WNT7B: variants seen among roughly 807,000 people sequenced by gnomAD.
WNT7B encodes the protein Wnt family member 7B.
WNT7B carries 19 observed loss-of-function variants against 38.2 expected under a neutral mutation model. That is an observed-to-expected ratio of 0.50 (90% confidence interval 0.35 to 0.73). WNT7B has a LOEUF of 0.73. Among genes scored for constraint, WNT7B ranks in the 30% least tolerant of loss-of-function variants. The pLI is 0.01. For missense variants in WNT7B, 423 were observed against 507.9 expected (o/e 0.83, Z 1.61); for synonymous variants, 243 against 209.3 (o/e 1.16, Z -1.39).
chr22:45,932,869 G>A (rs907438515), intron 2 of WNT7B, among the ~76,000 whole-genome samples: 5 of 150,752 alleles, frequency 3.3e-5, no homozygotes, highest in South Asian at 2.1e-4. Context: ...CCCAGCACCC[G>A]CGAGCACCTG....
At chr22:45,964,420 GC>G (rs966625660) in intron 1 of WNT7B, among the ~76,000 whole-genome samples, 8 of 151,912 alleles carry the variant, frequency 5.3e-5, no homozygotes, top group South Asian at 4.2e-4. Context: ...CTGCAGGCCA[GC>G]CCCCCCCAGG....
rs1932539148 is a variant in WNT7B, at chr22:45,975,869, G to A, written c.71+815C>T. The A allele has an allele frequency of 4.1e-6, 1 of 242,556 alleles. No individual in the cohort carries two copies. Among genetic ancestry groups the A allele is most frequent in the South Asian group, 1.7e-4 (1 of 5,750 alleles). 15.0% of individuals were successfully genotyped at this position (242,556 alleles called of 1,614,324 possible). On this transcript the variant is annotated intron_variant, in intron 1 of 3. Transcript: ENST00000339464. This position sits in a 1 kb window ranked among gnomAD's most constrained non-coding sequence, Gnocchi z 6.6. ...CACGCCGTTTCTCCACCCCCACTTC[G>A]AGCGAAGCCGAGACAGATTCTGTCT...
rs1234705903 is a variant in WNT7B, at chr22:45,922,210, C to T, written c.*646G>A. The T allele has an allele frequency of 6.5e-6, 1 of 152,938 alleles. No individual in the cohort carries two copies. Among genetic ancestry groups the T allele is most frequent in the African/African-American group, 2.4e-5 (1 of 41,486 alleles). 9.5% of individuals were successfully genotyped at this position (152,938 alleles called of 1,614,324 possible). On this transcript the variant is annotated 3_prime_UTR_variant, in exon 4 of 4. Coordinates refer to ENST00000339464, the MANE Select transcript of WNT7B (RefSeq NM_058238.3). Reference sequence around the variant, plus strand: ...GGCACCGCGTGGTCCCCATCAACCCCAGGCTGCCTCAGCTCTGCAGGGGCA... The same window carrying T: ...GGCACCGCGTGGTCCCCATCAACCCTAGGCTGCCTCAGCTCTGCAGGGGCA...
chr22:45,920,934 G>T lies in WNT7B; in HGVS notation c.*1922C>A, dbSNP rs372229104. The T allele has an allele frequency of 1.3e-5, 2 of 152,310 alleles. No homozygotes were observed. Among genetic ancestry groups the T allele is most frequent in the South Asian group, 4.1e-4 (2 of 4,834 alleles). The allele number at this position is 152,310 out of a possible 1,614,324, so 9.4% of individuals were successfully genotyped here. The stretch of plus-strand genomic sequence containing the variant: ...TGGGACTTGGGGAAGGTAAGGGGAT[G>T]GGGCCAGGCTGAGGGTGGGGCATTC... On this transcript the variant is annotated 3_prime_UTR_variant, in exon 4 of 4. Coordinates refer to ENST00000339464, the MANE Select transcript of WNT7B (RefSeq NM_058238.3).
At chr22:45,967,237 T>C (rs1601742013) in intron 1 of WNT7B, among the ~76,000 whole-genome samples, 1 of 152,286 alleles carries the variant, frequency 6.6e-6, no homozygotes, top group South Asian at 2.1e-4. Context: ...TTCATCAGGC[T>C]GAAGGAGCCC....
chr22:45,955,621 G>A (rs1038343275), intron 1 of WNT7B, among the ~76,000 whole-genome samples: 3 of 152,184 alleles, frequency 2.0e-5, no homozygotes, highest in East Asian at 1.9e-4. Context: ...TGTTTCAGTC[G>A]CTGACCTTTT....
In WNT7B at chr22:45,975,774, G is replaced by A. The variant is rs917550338; in HGVS notation, c.71+910C>T. The stretch of plus-strand genomic sequence containing the variant: ...CGCGGCGGGGCCCGGGTCCCCGCAG[G>A]TGCGAGGAGCGCGGGGCCAGCAGCG... On this transcript the variant is annotated intron_variant, in intron 1 of 3. Coordinates refer to ENST00000339464, the MANE Select transcript of WNT7B (RefSeq NM_058238.3). This position sits in a 1 kb window ranked among gnomAD's most constrained non-coding sequence, Gnocchi z 6.6. 2 of 350,984 alleles carry A rather than the reference G, an allele frequency of 5.7e-6. No homozygotes were observed. Among genetic ancestry groups the A allele is most frequent in the Non-Finnish European group, 1.0e-5 (2 of 196,598 alleles). The allele number at this position is 350,984 out of a possible 1,614,324, so 21.7% of individuals were successfully genotyped here.
rs986512380 is a variant in WNT7B, at chr22:45,948,258, G to A, written c.298+1662C>T. Among the ~76,000 whole-genome samples the A allele has an allele frequency of 6.6e-5, 10 of 152,328 alleles. 1 individual carries two copies. The East Asian group carries it at 7.7e-4, about 12-fold the overall frequency. On this transcript the variant is annotated intron_variant, in intron 2 of 3. Coordinates refer to ENST00000339464, the MANE Select transcript of WNT7B (RefSeq NM_058238.3). ...CCTGGCATGAGTGAGCACTCGTGCC[G>A]ACGCCCTCCCCACTGGGGTGGATGG... is the stretch of plus-strand genomic sequence containing the variant.
chr22:45,932,418 C>A (rs917260171), intron 2 of WNT7B, among the ~76,000 whole-genome samples: 11 of 149,870 alleles, frequency 7.3e-5, no homozygotes, highest in Non-Finnish European at 1.2e-4. Flanking sequence ...CTTCCCAGAC[C>A]CCCCCCGCCA....
rs1023418841 is a variant in WNT7B at position 45,951,015 on chromosome 22, C to T, written c.72-869G>A. On this transcript the variant is annotated intron_variant, in intron 1 of 3. Coordinates refer to ENST00000339464, the MANE Select transcript of WNT7B (RefSeq NM_058238.3). The surrounding 1 kb of genome is among the most constrained non-coding windows in gnomAD (Gnocchi z 4.8). The stretch of plus-strand genomic sequence containing the variant: ...CAGGACCTGAAGCCCTAGACAAGAA[C>T]CCGCAGGTCACGCTCACTCTACTTC... 6.6e-6 allele frequency among the ~76,000 whole-genome samples: 1 copy of T among 152,184 alleles called. No individual in the cohort carries two copies. Among genetic ancestry groups the T allele is most frequent in the African/African-American group, 2.4e-5 (1 of 41,436 alleles).
chr22:45,949,838 C>T, intron 2 of WNT7B, 82 bp downstream of exon 2: 5 of 1,384,820 alleles, frequency 3.6e-6, no homozygotes, highest in Non-Finnish European at 5.0e-6. Context: ...GAACAGCGGC[C>T]TAGGCTGGCC....
chr22:45,947,836 TG>T (rs764959457), intron 2 of WNT7B, among the ~76,000 whole-genome samples: 1 of 152,228 alleles, frequency 6.6e-6, no homozygotes, highest in Non-Finnish European at 1.5e-5. Context: ...GTGTCTTAGG[TG>T]GGCTCCCTAG....
At chr22:45,955,235 C>A (rs144053548) in intron 1 of WNT7B, among the ~76,000 whole-genome samples, 1 of 152,240 alleles carries the variant, frequency 6.6e-6, no homozygotes, top group Non-Finnish European at 1.5e-5. Flanking sequence ...CCCTGCCACA[C>A]CCCAGGCCTG....
intron 2 of WNT7B, 140 bp downstream of exon 2, chr22:45,949,780 A>C (rs996209249): frequency 1.9e-5 from 15 of 801,686 alleles, no homozygotes; most frequent in Non-Finnish European, 2.9e-5. Context: ...GGCACGCAGA[A>C]GGGCTCACAG....
intron 1 of WNT7B, among the ~76,000 whole-genome samples, chr22:45,955,879 G>A (rs1932047116): frequency 6.6e-6 from 1 of 152,222 alleles, no homozygotes; most frequent in Non-Finnish European, 1.5e-5. Flanking sequence ...CAGAGGCCCA[G>A]GAGCTTCCTG....
At chr22:45,946,717 C>A (rs575207581) in intron 2 of WNT7B, among the ~76,000 whole-genome samples, 1 of 152,292 alleles carries the variant, frequency 6.6e-6, no homozygotes, top group East Asian at 1.9e-4. Flanking sequence ...CAGGGCAAAG[C>A]CAGCACAGGG....
At chr22:45,943,039 GTGTGCAGCA>G (rs567494085) in intron 2 of WNT7B, among the ~76,000 whole-genome samples, 1,819 of 140,908 alleles carry the variant, frequency 0.013, 15 homozygotes, top group Middle Eastern at 0.027. Flanking sequence ...GTGTGCGCGT[GTGTGCAGCA>G]TGCATGTGTG....
At chr22:45,933,480 G>T (rs977665681) in intron 2 of WNT7B, among the ~76,000 whole-genome samples, 13 of 152,258 alleles carry the variant, frequency 8.5e-5, no homozygotes, top group African/African-American at 3.1e-4. Flanking sequence ...GGTGTGAAGT[G>T]GGGTATTAAA....
intron 3 of WNT7B, among the ~76,000 whole-genome samples, chr22:45,923,957 G>A (rs1019994469): frequency 6.6e-6 from 1 of 152,200 alleles, no homozygotes; most frequent in Admixed American, 6.5e-5. Flanking sequence ...CCCGCCCGCT[G>A]TTCTTTCTCC....
Sources: allele counts gnomAD v4.1 joint callset (sites outside exome capture counted in the v4.1 genomes callset), GRCh38; gene constraint gnomAD v4.1.1; non-coding constraint Gnocchi (gnomAD v3.1); transcripts MANE v1.5; gene names NCBI Gene and HGNC (gene_info 2026-07-23, HGNC 2026-07-21).